Variants in ATIC observed in about 807,000 individuals in gnomAD.
The protein encoded by ATIC is bifunctional purine biosynthesis protein ATIC.
In ATIC, 64 loss-of-function variants were observed where a neutral mutation model predicts 72.5. The observed-to-expected ratio is 0.88, with a 90% CI of 0.72 to 1.09. ATIC has a LOEUF of 1.09. Ranked by LOEUF, ATIC falls within the 50% of genes least tolerant of loss-of-function variation. The pLI is 0.00. For synonymous variants in ATIC, 281 were observed against 267.1 expected, an observed-to-expected ratio of 1.05 and a Z score of -0.51; for missense variants, 787 against 732.4, an observed-to-expected ratio of 1.07 and a Z score of -0.86.
Position 215,312,081 on chromosome 2 carries a change from A to T in ATIC, c.-62A>T. ...GCCGCCACATCCCGGCAGCCCTCCTACCTGCGCACGTGGTGCCGCCGCTGC... is the reference window on the plus strand; with the variant it reads ...GCCGCCACATCCCGGCAGCCCTCCTTCCTGCGCACGTGGTGCCGCCGCTGC... On this transcript the variant is annotated 5_prime_UTR_variant, in exon 1 of 16. Transcript: ENST00000236959. 1 of 1,529,244 alleles carries T rather than the reference A, an allele frequency of 6.5e-7. No individual in the cohort carries two copies. The highest frequency in any genetic ancestry group is 2.5e-5 in the East Asian group (1 of 40,520). 94.7% of individuals were successfully genotyped at this position (1,529,244 alleles called of 1,614,324 possible). A position where few individuals can be genotyped will look rare whatever the true frequency, so the allele number is the denominator to read the frequency against.
At chr2:215,344,538 A>C (rs899049891) in intron 12 of ATIC, among the ~76,000 whole-genome samples, 1 of 152,022 alleles carries the variant, frequency 6.6e-6, no homozygotes, top group Non-Finnish European at 1.5e-5. Flanking sequence ...TAAAAATACA[A>C]AAATTAGCCA....
chr2:215,361,723 T>TATAG, the ATIC span: 2 of 1,050,736 alleles, frequency 1.9e-6, no homozygotes, highest in East Asian at 2.4e-5. Flanking sequence ...GACAGCTGCT[T>TATAG]ATAGATAGGA....
the ATIC span, among the ~76,000 whole-genome samples, chr2:215,354,943 T>C: frequency 2.6e-4 from 40 of 151,844 alleles, 1 homozygote; most frequent in Non-Finnish European, 4.4e-4. Flanking sequence ...AAGGACAGGA[T>C]TGAATGAACC....
chr2:215,364,464 C>A, the ATIC span: 1 of 273,386 alleles, frequency 3.7e-6, no homozygotes, highest in Admixed American at 4.8e-5. Context: ...ATGGGGAGAA[C>A]CGGCTGAAAT....
the ATIC span, chr2:215,364,903 G>A: frequency 6.4e-6 from 10 of 1,565,900 alleles, no homozygotes; most frequent in Non-Finnish European, 7.8e-6. Flanking sequence ...AGCATGTGCA[G>A]GAGCAAATGG....
rs376292115 is a variant in ATIC at position 215,344,866 on chromosome 2, G to A, written c.1315G>A (p.Gly439Arg). The A allele has an allele frequency of 1.4e-5, 22 of 1,613,638 alleles. No homozygotes were observed. The highest frequency in any genetic ancestry group is 5.0e-5 in the Admixed American group (3 of 59,960). Residue 439 changes from glycine to arginine, a missense_variant, in exon 13 of 16, where the codon GGG (glycine) becomes AGG (arginine). Coordinates refer to ENST00000236959, the MANE Select transcript of ATIC (RefSeq NM_004044.7). ...TAACTCTGTGTGCTACGCCAAGAACGGGCAGGTAAGTGGGCTGTTGGACTC... is the reference window on the plus strand; with the variant it reads ...TAACTCTGTGTGCTACGCCAAGAACAGGCAGGTAAGTGGGCTGTTGGACTC... Reference protein sequence around the residue: ...QSNSVCYAKNGQVIGIGAGQQ... With the variant: ...QSNSVCYAKNRQVIGIGAGQQ...
chr2:215,341,213 T>C (rs988772374), intron 12 of ATIC, among the ~76,000 whole-genome samples: 3 of 152,214 alleles, frequency 2.0e-5, no homozygotes, highest in Non-Finnish European at 4.4e-5. Flanking sequence ...TAAAGAAACA[T>C]GTAGGCATTA....
At chr2:215,335,540 T>G (rs1423080155) in intron 10 of ATIC, among the ~76,000 whole-genome samples, 2 of 152,186 alleles carry the variant, frequency 1.3e-5, no homozygotes, top group Non-Finnish European at 2.9e-5. Context: ...ACTATTTTGT[T>G]GCTTTAGGAT....
rs572665134 is a variant in ATIC at position 215,315,316 on chromosome 2, C to G, written c.146+2692C>G. ...AGAGAAATTCTCATTTCTGTGACTTCAGGGAAGAATGAAGGGTGAGAGGCA... is the reference window on the plus strand; with the variant it reads ...AGAGAAATTCTCATTTCTGTGACTTGAGGGAAGAATGAAGGGTGAGAGGCA... On this transcript the variant is annotated intron_variant, in intron 2 of 15. Transcript: ENST00000236959. 4.6e-5 allele frequency among the ~76,000 whole-genome samples: 7 copies of G among 152,118 alleles called. No homozygotes were observed. The East Asian group carries it at 1.3e-3, about 29-fold the overall frequency.
intron 4 of ATIC, among the ~76,000 whole-genome samples, chr2:215,324,343 TGTTG>T (rs140679809): frequency 6.6e-6 from 1 of 152,372 alleles, no homozygotes; most frequent in African/African-American, 2.4e-5. Flanking sequence ...TATGAATACC[TGTTG>T]AATTGTGTCA....
At chr2:215,348,470 A>T (rs1307015293) in intron 14 of ATIC, among the ~76,000 whole-genome samples, 1 of 152,192 alleles carries the variant, frequency 6.6e-6, no homozygotes, top group Non-Finnish European at 1.5e-5. Context: ...AAAACAGTGT[A>T]TTTTTATGTA....
chr2:215,322,784 A>G (rs2052782985), intron 4 of ATIC, among the ~76,000 whole-genome samples: 1 of 152,122 alleles, frequency 6.6e-6, no homozygotes, highest in Non-Finnish European at 1.5e-5. Flanking sequence ...ATTTGTTGAA[A>G]AGACTGTTCT....
chr2:215,318,276 C>G, intron 3 of ATIC, 43 bp downstream of exon 3: 1 of 1,556,838 alleles, frequency 6.4e-7, no homozygotes, highest in South Asian at 1.1e-5. Flanking sequence ...TCAGTGGTTT[C>G]CAGGAATATT....
the ATIC span, among the ~76,000 whole-genome samples, chr2:215,356,486 C>T: frequency 6.6e-6 from 1 of 152,158 alleles, no homozygotes; most frequent in Non-Finnish European, 1.5e-5. Flanking sequence ...ACCATCTTAA[C>T]CATTTTAAAG....
chr2:215,320,851 G>A (rs1405989973), intron 4 of ATIC, among the ~76,000 whole-genome samples: 1 of 152,106 alleles, frequency 6.6e-6, no homozygotes, highest in African/African-American at 2.4e-5. Flanking sequence ...CAAAGTGCTG[G>A]GATTAGGTGT....
chr2:215,338,715 A>G (rs1245745967), intron 11 of ATIC, 64 bp from the exon 12 acceptor site: 1 of 1,538,164 alleles, frequency 6.5e-7, no homozygotes, highest in African/African-American at 1.4e-5. Context: ...TTTGTATATA[A>G]ATTAAATGAA....
Position 215,333,342 on chromosome 2 carries a change from C to T in ATIC, c.815-8C>T. 6.2e-7 allele frequency: 1 copy of T among 1,612,602 alleles called. No individual in the cohort carries two copies. The highest frequency in any genetic ancestry group is 8.5e-7 in the Non-Finnish European group (1 of 1,178,632). On this transcript the variant is annotated splice_polypyrimidine_tract_variant and splice_region_variant and intron_variant, in intron 8 of 15. Coordinates refer to ENST00000236959, the MANE Select transcript of ATIC (RefSeq NM_004044.7). Reference sequence around the variant, plus strand: ...TCTTTGTTTATGATTTTACTATTTTCTAACCAGGTGCTGCTGTTGGAATTC... The same window carrying T: ...TCTTTGTTTATGATTTTACTATTTTTTAACCAGGTGCTGCTGTTGGAATTC...
intron 12 of ATIC, 36 bp from the exon 13 acceptor site, chr2:215,344,743 G>A (rs760752662): frequency 6.3e-7 from 1 of 1,578,786 alleles, no homozygotes; most frequent in Non-Finnish European, 8.7e-7. Context: ...GAGTTTAAAA[G>A]GCCCCATGCA....
intron 12 of ATIC, among the ~76,000 whole-genome samples, chr2:215,339,464 C>T (rs908083017): frequency 1.2e-4 from 18 of 152,054 alleles, no homozygotes; most frequent in African/African-American, 3.6e-4. Context: ...TGCAGTGAGC[C>T]GTGTTTGTGC....
Sources: gnomAD v4.1 joint callset for allele counts (sites outside exome capture counted in the v4.1 genomes callset) on GRCh38, gnomAD v4.1.1 for gene constraint, MANE v1.5 for transcripts, NCBI Gene and HGNC (gene_info 2026-07-23, HGNC 2026-07-21) for gene names.